GAB2: variants seen among roughly 807,000 people sequenced by gnomAD.
GAB2 encodes the protein GRB2-associated-binding protein 2.
GAB2 carries 26 observed loss-of-function variants against 65.5 expected under a neutral mutation model. The observed-to-expected ratio is 0.40, with a 90% CI of 0.29 to 0.55. GAB2 has a LOEUF of 0.55. GAB2 is among the 20% of genes least tolerant of loss of function. The pLI is 0.53. For synonymous variants in GAB2, 321 were observed against 329.6 expected, an observed-to-expected ratio of 0.97 and a Z score of 0.28; for missense variants, 884 against 875.8, an observed-to-expected ratio of 1.01 and a Z score of -0.12.
At chr11:78,329,868 G>C (rs1234911592) in intron 1 of GAB2, among the ~76,000 whole-genome samples, 1 of 152,208 alleles carries the variant, frequency 6.6e-6, no homozygotes, top group Non-Finnish European at 1.5e-5. Context: ...CTTCTAGTTA[G>C]AAAATCTGGA....
At chr11:78,220,510 CA>C in intron 8 of GAB2, 66 bp from the exon 9 acceptor site, 1 of 1,419,128 alleles carries the variant, frequency 7.0e-7, no homozygotes, top group South Asian at 1.4e-5. Context: ...CCCAGAAAAA[CA>C]CCTCTGGGAG....
intron 3 of GAB2, among the ~76,000 whole-genome samples, chr11:78,244,572 C>T (rs552128944): frequency 6.2e-5 from 8 of 129,890 alleles, no homozygotes; most frequent in Admixed American, 1.7e-4. Flanking sequence ...AACAACTCAA[C>T]AGCAAAAAAA....
chr11:78,379,432 A>G lies in GAB2; in HGVS notation c.75+38214T>C, dbSNP rs563584265. On this transcript the variant is annotated intron_variant, in intron 1 of 9. Transcript: ENST00000361507. ...CCTTGGTTTCCTCCTTAGTAAGTGT[A>G]AATTCAAAATAACAGGGAAATAGAT... Among the ~76,000 whole-genome samples, 101 of 152,358 alleles carry G rather than the reference A, an allele frequency of 6.6e-4. 1 individual carries two copies. Among genetic ancestry groups the G allele is most frequent in the African/African-American group, 2.3e-3 (95 of 41,586 alleles).
intron 1 of GAB2, among the ~76,000 whole-genome samples, chr11:78,393,200 A>G (rs910417337): frequency 2.0e-5 from 3 of 152,208 alleles, no homozygotes; most frequent in Non-Finnish European, 4.4e-5. Context: ...CACAACTGCA[A>G]AGGTCTCAAA....
intron 3 of GAB2, among the ~76,000 whole-genome samples, chr11:78,239,516 G>A (rs886221904): frequency 6.6e-6 from 1 of 152,180 alleles, no homozygotes; most frequent in African/African-American, 2.4e-5. Context: ...ACCACACCTG[G>A]CCTCCTGAAC....
intron 1 of GAB2, among the ~76,000 whole-genome samples, chr11:78,347,387 A>C (rs557347951): frequency 7.2e-5 from 11 of 152,168 alleles, no homozygotes; most frequent in Non-Finnish European, 1.6e-4. Flanking sequence ...CTGACATTGA[A>C]AACAATGCCA....
At position 78,215,338 on chromosome 11, in the gene GAB2, C is replaced by T. The variant is rs567181859; in HGVS notation, c.*3934G>A. 1.3e-5 allele frequency: 2 copies of T among 152,678 alleles called. No individual in the cohort carries two copies. Among genetic ancestry groups the T allele is most frequent in the South Asian group, 4.1e-4 (2 of 4,820 alleles). 9.5% of individuals were successfully genotyped at this position (152,678 alleles called of 1,614,324 possible). A position where few individuals can be genotyped will look rare whatever the true frequency, so the allele number is the denominator to read the frequency against. On this transcript the variant is annotated 3_prime_UTR_variant, in exon 10 of 10. Transcript: ENST00000361507. ...GGACTTTATTGTCCTGCTCCAACACCACAGTAGAAAGGGACCTGCAAGCTC... is the reference window on the plus strand; with the variant it reads ...GGACTTTATTGTCCTGCTCCAACACTACAGTAGAAAGGGACCTGCAAGCTC...
At chr11:78,415,519 T>C (rs537924466) in intron 1 of GAB2, among the ~76,000 whole-genome samples, 1 of 152,330 alleles carries the variant, frequency 6.6e-6, no homozygotes, top group Non-Finnish European at 1.5e-5. Context: ...AGGTTACACA[T>C]ATCACCAGTT....
chr11:78,387,035 T>A (rs138446537), intron 1 of GAB2, among the ~76,000 whole-genome samples: 2 of 152,186 alleles, frequency 1.3e-5, no homozygotes, highest in Non-Finnish European at 2.9e-5. Flanking sequence ...AAATAATGAA[T>A]GAATGAATCA....
chr11:78,283,562 C>T (rs1474118540), intron 1 of GAB2, among the ~76,000 whole-genome samples: 2 of 152,064 alleles, frequency 1.3e-5, no homozygotes, highest in African/African-American at 2.4e-5. Flanking sequence ...CCCTCCTATT[C>T]GAAGGCACTA....
At chr11:78,310,893 C>T (rs771861272) in intron 1 of GAB2, among the ~76,000 whole-genome samples, 76 of 152,090 alleles carry the variant, frequency 5.0e-4, no homozygotes, top group Admixed American at 2.4e-3. Flanking sequence ...TAAGAAGACC[C>T]ATTAGGGAGC....
intron 1 of GAB2, among the ~76,000 whole-genome samples, chr11:78,355,449 C>A (rs1856344161): frequency 6.6e-6 from 1 of 152,134 alleles, no homozygotes; most frequent in South Asian, 2.1e-4. Flanking sequence ...GATGAGAATT[C>A]TTGCCTCTAC....
chr11:78,219,258 C>T lies in GAB2; in HGVS notation c.*14G>A, dbSNP rs933045615. On this transcript the variant is annotated 3_prime_UTR_variant, in exon 10 of 10. Coordinates refer to ENST00000361507, the MANE Select transcript of GAB2 (RefSeq NM_080491.3). ...TGGAGATGCTGCCTCCTGGGCTCTG[C>T]GGTGGCCCTCTCATCACAGCTTGGC... The T allele has an allele frequency of 1.1e-5, 18 of 1,610,974 alleles. No individual in the cohort carries two copies. Among genetic ancestry groups the T allele is most frequent in the East Asian group, 2.2e-5 (1 of 44,834 alleles).
intron 1 of GAB2, among the ~76,000 whole-genome samples, chr11:78,384,623 C>CAGCCCATG (rs1856742632): frequency 6.6e-6 from 1 of 152,198 alleles, no homozygotes; most frequent in Non-Finnish European, 1.5e-5. Flanking sequence ...AATGAGGTCA[C>CAGCCCATG]AGCCCATGAG....
At chr11:78,231,436 C>T (rs1565117559) in intron 3 of GAB2, among the ~76,000 whole-genome samples, 1 of 152,146 alleles carries the variant, frequency 6.6e-6, no homozygotes, top group East Asian at 1.9e-4. Context: ...GCAACCTCCG[C>T]CTCCTGGGTT....
At chr11:78,380,169 G>T (rs1217815385) in intron 1 of GAB2, among the ~76,000 whole-genome samples, 1 of 151,860 alleles carries the variant, frequency 6.6e-6, no homozygotes, top group African/African-American at 2.4e-5. Flanking sequence ...TTATTCCCCT[G>T]CTTAGTGGAA....
intron 1 of GAB2, among the ~76,000 whole-genome samples, chr11:78,310,308 C>G (rs1855469671): frequency 6.6e-6 from 1 of 150,434 alleles, no homozygotes; most frequent in Non-Finnish European, 1.5e-5. Flanking sequence ...CAAGACCATC[C>G]TGGCTAACAC....
chr11:78,406,976 A>G (rs1857053600), intron 1 of GAB2, among the ~76,000 whole-genome samples: 2 of 152,224 alleles, frequency 1.3e-5, no homozygotes, highest in Admixed American at 6.5e-5. Context: ...AGTGAGTTCA[A>G]TGGCAGAATA....
intron 2 of GAB2, among the ~76,000 whole-genome samples, chr11:78,271,086 G>T (rs1428146149): frequency 6.6e-6 from 1 of 152,234 alleles, no homozygotes; most frequent in East Asian, 1.9e-4. Flanking sequence ...CAAAAGGGGT[G>T]ATGGCTTTCC....
Sources: gnomAD v4.1 joint callset for allele counts (sites outside exome capture counted in the v4.1 genomes callset) on GRCh38, gnomAD v4.1.1 for gene constraint, MANE v1.5 for transcripts, NCBI Gene and HGNC (gene_info 2026-07-23, HGNC 2026-07-21) for gene names.